Variants in ELMOD2 observed in about 807,000 individuals in gnomAD.
ELMOD2 encodes ELMO domain containing 2, also known as ELMO domain-containing protein 2.
ELMOD2 carries 28 observed loss-of-function variants against 41.0 expected under a neutral mutation model. The ratio of observed to expected loss-of-function variants is 0.68; its 90% CI spans 0.51 to 0.94. The LOEUF (loss-of-function observed/expected upper bound fraction) is 0.94. ELMOD2 is among the 40% of genes least tolerant of loss of function. The probability of loss-of-function intolerance (pLI) is 0.00; values close to 1 mark genes in which losing one functional copy is unlikely to be tolerated. For missense variants in ELMOD2, 333 were observed against 343.1 expected, an observed-to-expected ratio of 0.97 and a Z score of 0.23; for synonymous variants, 106 against 107.2, an observed-to-expected ratio of 0.99 and a Z score of 0.07.
intron 8 of ELMOD2, among the ~76,000 whole-genome samples, chr4:140,544,171 T>C (rs1406434755): frequency 6.6e-6 from 1 of 152,158 alleles, no homozygotes; most frequent in South Asian, 2.1e-4. Flanking sequence ...AGAACTCAAA[T>C]CTAGTTTTTC....
chr4:140,542,679 C>A (rs756490301), intron 7 of ELMOD2, 37 bp downstream of exon 7: 1 of 1,420,406 alleles, frequency 7.0e-7, no homozygotes, highest in African/African-American at 1.4e-5. Flanking sequence ...TAATCTCTTG[C>A]ATTTATAATG....
chr4:140,547,252 C>T (rs1404094104), intron 8 of ELMOD2, among the ~76,000 whole-genome samples: 2 of 152,178 alleles, frequency 1.3e-5, no homozygotes, highest in African/African-American at 2.4e-5. Context: ...TCCCTATGAT[C>T]TGCCTTCATC....
At chr4:140,550,128 A>G in intron 8 of ELMOD2, 102 bp from the exon 9 acceptor site, 1 of 984,164 alleles carries the variant, frequency 1.0e-6, no homozygotes, top group Middle Eastern at 2.6e-4. Flanking sequence ...ATTGTATTCT[A>G]ATATGGAATT....
At position 140,533,977 on chromosome 4, in the gene ELMOD2, A is replaced by G. The variant is rs535531160; in HGVS notation, c.172-1756A>G. ...GACGAACAACACTAATGTTGGAAAC[A>G]CCAGTTGGAGCAGAAGATGATATTA... On this transcript the variant is annotated intron_variant, in intron 3 of 8. Transcript: ENST00000323570. 6.6e-5 allele frequency among the ~76,000 whole-genome samples: 10 copies of G among 152,288 alleles called. No individual in the cohort carries two copies. In the South Asian group the frequency reaches 2.1e-3, roughly 32 times the overall value.
chr4:140,546,671 A>G (rs965076654), intron 8 of ELMOD2, among the ~76,000 whole-genome samples: 2 of 151,954 alleles, frequency 1.3e-5, no homozygotes, highest in Non-Finnish European at 2.9e-5. Context: ...ATATCTCAAT[A>G]TATACAGGAG....
At chr4:140,539,965 T>C (rs1735054098) in intron 5 of ELMOD2, among the ~76,000 whole-genome samples, 1 of 152,204 alleles carries the variant, frequency 6.6e-6, no homozygotes, top group African/African-American at 2.4e-5. Context: ...TTCTGTATTA[T>C]TTGTTATCTT....
At chr4:140,545,828 A>C (rs1735257334) in intron 8 of ELMOD2, among the ~76,000 whole-genome samples, 1 of 152,194 alleles carries the variant, frequency 6.6e-6, no homozygotes, top group Admixed American at 6.5e-5. Flanking sequence ...TTAAAAAGTC[A>C]GGAAACAACA....
At chr4:140,535,638 A>T in intron 3 of ELMOD2, 95 bp from the exon 4 acceptor site, 1 of 1,164,230 alleles carries the variant, frequency 8.6e-7, no homozygotes. Context: ...TTGCATTTTT[A>T]ATATCTACTT....
At chr4:140,545,861 A>C (rs1366917300) in intron 8 of ELMOD2, among the ~76,000 whole-genome samples, 2 of 152,190 alleles carry the variant, frequency 1.3e-5, no homozygotes, top group Non-Finnish European at 2.9e-5. Context: ...GATGTGGAGA[A>C]ATAGGAACAC....
intron 6 of ELMOD2, among the ~76,000 whole-genome samples, chr4:140,541,823 GAAT>G (rs1389683480): frequency 6.6e-6 from 1 of 152,018 alleles, no homozygotes; most frequent in Non-Finnish European, 1.5e-5. Context: ...CTCTCTAGAA[GAAT>G]AAAGAGGGAA....
At chr4:140,546,677 A>C (rs996552159) in intron 8 of ELMOD2, among the ~76,000 whole-genome samples, 8 of 152,068 alleles carry the variant, frequency 5.3e-5, no homozygotes, top group African/African-American at 1.4e-4. Context: ...CAATATATAC[A>C]GGAGGGTGGT....
rs1578753952 is a variant in ELMOD2 at position 140,526,743 on chromosome 4, C to G, written c.143-723C>G. 3 of 152,162 alleles carry G rather than the reference C, an allele frequency of 2.0e-5. No individual in the cohort carries two copies. In the East Asian group the frequency reaches 5.8e-4, roughly 29 times the overall value. The allele number at this position is 152,162 out of a possible 1,614,324, so 9.4% of individuals were successfully genotyped here. A position where few individuals can be genotyped will look rare whatever the true frequency, so the allele number is the denominator to read the frequency against. On this transcript the variant is annotated intron_variant, in intron 2 of 8. Transcript: ENST00000323570. ...AATTATTGCTGCTCTTTTAATTTGCCCTTTTGACTACTCAAAAGAACAAAG... is the reference window on the plus strand; with the variant it reads ...AATTATTGCTGCTCTTTTAATTTGCGCTTTTGACTACTCAAAAGAACAAAG...
chr4:140,545,092 C>T (rs147131857), intron 8 of ELMOD2, among the ~76,000 whole-genome samples: 1 of 152,080 alleles, frequency 6.6e-6, no homozygotes, highest in Non-Finnish European at 1.5e-5. Flanking sequence ...AATTTAGTTT[C>T]TCTCTCCATG....
intron 6 of ELMOD2, chr4:140,542,332 C>A: frequency 3.7e-6 from 1 of 271,768 alleles, no homozygotes; most frequent in Non-Finnish European, 6.8e-6. Flanking sequence ...TTTATATTAT[C>A]TATTTATTAA....
chr4:140,543,325 G>A, intron 7 of ELMOD2, 128 bp from the exon 8 acceptor site: 1 of 1,018,960 alleles, frequency 9.8e-7, no homozygotes, highest in South Asian at 1.8e-5. Context: ...TTCTTACCAT[G>A]TAGAGATTAT....
rs10526729 is a variant in ELMOD2, at chr4:140,535,137, T to TTC, written c.172-557_172-556dup. The stretch of plus-strand genomic sequence containing the variant: ...CTTTTCTCTGGGGAAATCTGTTTCT[T>TTC]TCTCTCTCTCTCTCTCTCTCTCTCT... On this transcript the variant is annotated intron_variant, in intron 3 of 8. Transcript: ENST00000323570. Among the ~76,000 whole-genome samples the TTC allele has an allele frequency of 4.3e-3, 607 of 141,476 alleles. 6 individuals carry two copies. The highest frequency in any genetic ancestry group is 0.014 in the African/African-American group (538 of 37,632). The allele number at this position is 141,476 out of a possible 152,430, so 92.8% of individuals were successfully genotyped here.
chr4:140,541,114 TGATA>T (rs1204565398), intron 6 of ELMOD2, among the ~76,000 whole-genome samples: 1 of 152,200 alleles, frequency 6.6e-6, no homozygotes, highest in South Asian at 2.1e-4. Context: ...AAGTCACAAT[TGATA>T]GACAAAACTA....
intron 2 of ELMOD2, among the ~76,000 whole-genome samples, chr4:140,526,185 T>C (rs1391288687): frequency 3.9e-5 from 6 of 152,242 alleles, no homozygotes; most frequent in Non-Finnish European, 4.4e-5. Context: ...TTATATTCTT[T>C]GTATGTTGAA....
At chr4:140,536,200 G>A (rs1734920289) in intron 4 of ELMOD2, among the ~76,000 whole-genome samples, 1 of 152,144 alleles carries the variant, frequency 6.6e-6, no homozygotes, top group Admixed American at 6.6e-5. Context: ...CATTGCTGTG[G>A]CATCTCATAG....
Sources: allele counts gnomAD v4.1 joint callset (sites outside exome capture counted in the v4.1 genomes callset), GRCh38; gene constraint gnomAD v4.1.1; transcripts MANE v1.5; gene names NCBI Gene and HGNC (gene_info 2026-07-23, HGNC 2026-07-21).